Variants in NFATC1 observed in about 807,000 individuals in gnomAD.
NFATC1 encodes the protein nuclear factor of activated T cells 1, also known as nuclear factor of activated T-cells, cytoplasmic 1.
NFATC1 carries 22 observed loss-of-function variants against 76.0 expected under a neutral mutation model. The observed-to-expected ratio is 0.29, with a 90% CI of 0.21 to 0.41. NFATC1 has a LOEUF of 0.41. Ranked by LOEUF, NFATC1 falls within the 10% of genes least tolerant of loss-of-function variation. The pLI, the probability that NFATC1 is intolerant of heterozygous loss-of-function variation, is 1.00. For missense variants in NFATC1, 1,357 were observed against 1,337.7 expected (o/e 1.01, Z -0.23); for synonymous variants, 704 against 613.1 (o/e 1.15, Z -2.19).
chr18:79,431,046 T>G (rs2086571791), intron 2 of NFATC1, among the ~76,000 whole-genome samples: 1 of 152,212 alleles, frequency 6.6e-6, no homozygotes, highest in South Asian at 2.1e-4. Flanking sequence ...GTACAGCCCA[T>G]GAAGCTGCGT....
At chr18:79,433,465 G>GTGCA in intron 2 of NFATC1, 114 bp from the exon 3 acceptor site, 1 of 1,240,176 alleles carries the variant, frequency 8.1e-7, no homozygotes, top group African/African-American at 1.5e-5. Flanking sequence ...ATGTCAGGAC[G>GTGCA]TGCACTCGCC....
At chr18:79,441,226 G>A (rs761552259) in intron 3 of NFATC1, among the ~76,000 whole-genome samples, 19 of 152,326 alleles carry the variant, frequency 1.2e-4, no homozygotes, top group African/African-American at 3.6e-4. Context: ...TGCAGGGTGC[G>A]GGCCCTGAAG....
chr18:79,517,927 CTT>C (rs2145200060), intron 9 of NFATC1, among the ~76,000 whole-genome samples: 1 of 152,338 alleles, frequency 6.6e-6, no homozygotes, highest in South Asian at 2.1e-4. Flanking sequence ...GCTACTTAAA[CTT>C]TTTAACTGCA....
intron 6 of NFATC1, among the ~76,000 whole-genome samples, chr18:79,453,481 G>A (rs938166580): frequency 8.5e-5 from 13 of 152,246 alleles, no homozygotes; most frequent in African/African-American, 2.7e-4. Context: ...TCATGCGGCC[G>A]CCCCTACAGG....
At chr18:79,399,736 G>A (rs1276634099) in intron 1 of NFATC1, among the ~76,000 whole-genome samples, 1 of 152,106 alleles carries the variant, frequency 6.6e-6, no homozygotes, top group Non-Finnish European at 1.5e-5. Context: ...ACTCGCAGGA[G>A]AGGCCGGTGG....
At position 79,492,723 on chromosome 18, in the gene NFATC1, G is replaced by T. The variant is rs1488713564; in HGVS notation, c.2782+5786G>T. On this transcript the variant is annotated intron_variant, in intron 9 of 9. Transcript: ENST00000427363. ...GACTCCATCTCAAAAAAAAAAAAAA[G>T]ATTAGCTGGGCGTGGTGGTGCATGC... 5.0e-5 allele frequency among the ~76,000 whole-genome samples: 4 copies of T among 80,476 alleles called. No individual in the cohort carries two copies. The East Asian group carries it at 1.3e-3, about 26-fold the overall frequency. The allele number at this position is 80,476 out of a possible 152,430, so 52.8% of individuals were successfully genotyped here.
chr18:79,434,567 G>A (rs1409928453), intron 3 of NFATC1, among the ~76,000 whole-genome samples: 1 of 152,246 alleles, frequency 6.6e-6, no homozygotes, highest in Admixed American at 6.5e-5. Flanking sequence ...CCACAGAGCA[G>A]CAAGTGTGTC....
chr18:79,410,246 A>G lies in NFATC1; in HGVS notation c.128-157A>G, dbSNP rs2148184297. The G allele has an allele frequency of 8.1e-6, 10 of 1,240,050 alleles. No homozygotes were observed. In the South Asian group the frequency reaches 1.4e-4, roughly 17 times the overall value. 76.8% of individuals were successfully genotyped at this position (1,240,050 alleles called of 1,614,324 possible). A position where few individuals can be genotyped will look rare whatever the true frequency, so the allele number is the denominator to read the frequency against. On this transcript the variant is annotated intron_variant, in intron 1 of 9. Coordinates refer to ENST00000427363, the MANE Select transcript of NFATC1 (RefSeq NM_001278669.2). This position sits in a 1 kb window ranked among gnomAD's most constrained non-coding sequence, Gnocchi z 6.7. Reference sequence around the variant, plus strand: ...GGGGCTGTCACTCCAAGTCGCCCGGAGCTGTCCGGCAGCGTGGTCTCAGGG... The same window carrying G: ...GGGGCTGTCACTCCAAGTCGCCCGGGGCTGTCCGGCAGCGTGGTCTCAGGG...
intron 1 of NFATC1, chr18:79,400,426 A>G: frequency 1.3e-6 from 2 of 1,495,814 alleles, no homozygotes; most frequent in Non-Finnish European, 1.8e-6. Flanking sequence ...TTCGACTTCG[A>G]GTTCCTCTTC....
chr18:79,414,378 G>A (rs1158521954), intron 2 of NFATC1, among the ~76,000 whole-genome samples: 1 of 152,252 alleles, frequency 6.6e-6, no homozygotes, highest in Non-Finnish European at 1.5e-5. Context: ...CCCTATGCCA[G>A]AAGGAGCTTT....
intron 9 of NFATC1, among the ~76,000 whole-genome samples, chr18:79,505,057 C>T (rs12955624): frequency 0.21 from 2,022 of 9,702 alleles, 1 homozygote; most frequent in Non-Finnish European, 0.32. Flanking sequence ...GAGACTGCTG[C>T]GTGGGAGGAG....
At chr18:79,397,453 G>T (rs997437539) in intron 1 of NFATC1, among the ~76,000 whole-genome samples, 1 of 152,178 alleles carries the variant, frequency 6.6e-6, no homozygotes, top group African/African-American at 2.4e-5. Flanking sequence ...AAACTCGCTG[G>T]TCTTAGCAGA....
At chr18:79,421,486 T>C (rs1407619158) in intron 2 of NFATC1, 1 of 152,338 alleles carries the variant, frequency 6.6e-6, no homozygotes, top group African/African-American at 2.4e-5. Context: ...ACCCCAGGGG[T>C]CTGGGAGTGC....
At position 79,439,360 on chromosome 18, in the gene NFATC1, A is replaced by G. The variant is rs1415948246; in HGVS notation, c.1386+5622A>G. Reference sequence around the variant, plus strand: ...CCGCTCCGGCCCCGCCCCAGGAGCCACGCAGAGGCCCACGCACGGGGAGGA... The same window carrying G: ...CCGCTCCGGCCCCGCCCCAGGAGCCGCGCAGAGGCCCACGCACGGGGAGGA... On this transcript the variant is annotated intron_variant, in intron 3 of 9. Transcript: ENST00000427363. 8.5e-5 allele frequency among the ~76,000 whole-genome samples: 13 copies of G among 152,230 alleles called. No homozygotes were observed. The South Asian group carries it at 1.4e-3, about 17-fold the overall frequency.
intron 8 of NFATC1, among the ~76,000 whole-genome samples, chr18:79,480,229 T>C (rs553847977): frequency 1.3e-5 from 2 of 152,236 alleles, no homozygotes; most frequent in South Asian, 2.1e-4. Flanking sequence ...AGAGAAGCAG[T>C]GGGCAGGCAC....
intron 3 of NFATC1, among the ~76,000 whole-genome samples, chr18:79,436,961 C>T (rs1460122916): frequency 6.6e-6 from 1 of 152,152 alleles, no homozygotes; most frequent in African/African-American, 2.4e-5. Flanking sequence ...ATGATCACAC[C>T]GTCCGCACCC....
At chr18:79,419,527 GGGCCGGC>G (rs761560118) in intron 2 of NFATC1, among the ~76,000 whole-genome samples, 2,643 of 145,520 alleles carry the variant, frequency 0.018, 24 homozygotes, top group Non-Finnish European at 0.03. Flanking sequence ...CCCCCTAGGA[GGGCCGGC>G]ACCTGCCTGC....
rs930732280 is a variant in NFATC1, at chr18:79,528,029, T to C, written c.*452T>C. ...AGCAGAAACTGCAAACACATTTCAT[T>C]GTGAGGTTTTACCCTCTGTATGAAT... On this transcript the variant is annotated 3_prime_UTR_variant, in exon 10 of 10. Coordinates refer to ENST00000427363, the MANE Select transcript of NFATC1 (RefSeq NM_001278669.2). 1 of 412,040 alleles carries C rather than the reference T, an allele frequency of 2.4e-6. No individual in the cohort carries two copies. The allele number at this position is 412,040 out of a possible 1,614,324, so 25.5% of individuals were successfully genotyped here.
rs375656264 is a variant in NFATC1, at chr18:79,486,241, C to T, written c.2093-7C>T. On this transcript the variant is annotated splice_region_variant and splice_polypyrimidine_tract_variant and intron_variant, in intron 8 of 9. Coordinates refer to ENST00000427363, the MANE Select transcript of NFATC1 (RefSeq NM_001278669.2). The stretch of plus-strand genomic sequence containing the variant: ...TGTTTATTTAATTTTTTTTTTCCTT[C>T]TCACAGTTCCAATTATAAAAACAGA... 50 of 1,580,206 alleles carry T rather than the reference C, an allele frequency of 3.2e-5. No individual in the cohort carries two copies. Among genetic ancestry groups the T allele is most frequent in the Admixed American group, 1.3e-4 (7 of 55,026 alleles).
Sources: gnomAD v4.1 joint callset for allele counts (sites outside exome capture counted in the v4.1 genomes callset) on GRCh38, gnomAD v4.1.1 for gene constraint, Gnocchi (gnomAD v3.1) non-coding constraint, MANE v1.5 for transcripts, NCBI Gene and HGNC (gene_info 2026-07-23, HGNC 2026-07-21) for gene names.